Variants in SF3B1 observed in about 807,000 individuals in gnomAD.
SF3B1 encodes the protein splicing factor 3b subunit 1, also known as pre-mRNA processing 10.
Under a neutral mutation model 153.8 loss-of-function variants are expected in SF3B1, and 12 were observed. The observed-to-expected ratio is 0.08, with a 90% CI of 0.05 to 0.13. The LOEUF (loss-of-function observed/expected upper bound fraction) is 0.13, where lower values mean the gene tolerates loss of function less well. SF3B1 is among the 10% of genes least tolerant of loss of function. SF3B1 has a pLI of 1.00. For missense variants in SF3B1, 513 were observed against 1,606.1 expected (o/e 0.32, Z 11.63); for synonymous variants, 498 against 525.2 (o/e 0.95, Z 0.71).
At chr2:197,404,406 C>T (rs376659721) in intron 11 of SF3B1, among the ~76,000 whole-genome samples, 5 of 152,008 alleles carry the variant, frequency 3.3e-5, no homozygotes, top group East Asian at 3.9e-4. Context: ...ATGGTGAAAC[C>T]CCGTTTCTAC....
At chr2:197,417,475 C>T (rs2106005945) in intron 5 of SF3B1, among the ~76,000 whole-genome samples, 1 of 150,380 alleles carries the variant, frequency 6.6e-6, no homozygotes, top group Middle Eastern at 3.4e-3. Context: ...CGGTGGCTCA[C>T]ACCTGTAATC....
chr2:197,405,389 C>T lies in SF3B1; in HGVS notation c.1323G>A (p.Met441Ile). 6.2e-7 allele frequency: 1 copy of T among 1,613,978 alleles called. No individual in the cohort carries two copies. The highest frequency in any genetic ancestry group is 8.5e-7 in the Non-Finnish European group (1 of 1,179,916). ...LTATPTPLGGMTGFHMQTEDR... is the reference protein window; with the variant it reads ...LTATPTPLGGITGFHMQTEDR... ...CTTCAGTTTGCATGTGGAAACCAGT[C>T]ATACCACCCAAAGGTGTTGGAGTAG... The change falls in exon 10 of 25, where the codon ATG (methionine) becomes ATA (isoleucine). Residue 441 changes from methionine to isoleucine, a missense_variant. This residue lies in a region of SF3B1 where 17 missense variants were observed against 21.0 expected (regional missense o/e 0.81). Transcript: ENST00000335508.
At chr2:197,399,396 T>G (rs931168907) in intron 20 of SF3B1, among the ~76,000 whole-genome samples, 3 of 152,172 alleles carry the variant, frequency 2.0e-5, no homozygotes, top group Non-Finnish European at 2.9e-5. Flanking sequence ...GGAGTTACAT[T>G]TGGCAACAGT....
intron 1 of SF3B1, among the ~76,000 whole-genome samples, chr2:197,430,395 T>C (rs560143755): frequency 6.6e-6 from 1 of 152,314 alleles, no homozygotes; most frequent in South Asian, 2.1e-4. Flanking sequence ...CCTAAGCTTG[T>C]AACTGTTGAA....
chr2:197,401,639 C>A lies in SF3B1; in HGVS notation c.2370+103G>T. ...ATTTAAAAACAAATCAAACAGTATT[C>A]GTGTAACATACAGTTTTTTTTGTTG... On this transcript the variant is annotated intron_variant, in intron 16 of 24. Coordinates refer to ENST00000335508, the MANE Select transcript of SF3B1 (RefSeq NM_012433.4). The surrounding 1 kb of genome is among the most constrained non-coding windows in gnomAD (Gnocchi z 4.2). 1 of 1,464,892 alleles carries A rather than the reference C, an allele frequency of 6.8e-7. No individual in the cohort carries two copies. Among genetic ancestry groups the A allele is most frequent in the South Asian group, 1.2e-5 (1 of 81,302 alleles). 90.7% of individuals were successfully genotyped at this position (1,464,892 alleles called of 1,614,324 possible). A position where few individuals can be genotyped will look rare whatever the true frequency, so the allele number is the denominator to read the frequency against.
chr2:197,422,284 A>C (rs2085256352), intron 2 of SF3B1, among the ~76,000 whole-genome samples: 1 of 152,076 alleles, frequency 6.6e-6, no homozygotes, highest in Admixed American at 6.6e-5. Context: ...CCAACTATAA[A>C]ATGTGACTTG....
chr2:197,424,058 CA>C lies in SF3B1; in HGVS notation c.29-85del, dbSNP rs199799345. 1.1e-3 allele frequency: 1,228 copies of C among 1,115,670 alleles called. 4 individuals are homozygous for C. Among genetic ancestry groups the C allele is most frequent in the East Asian group, 0.011 (446 of 41,152 alleles). 69.1% of individuals were successfully genotyped at this position (1,115,670 alleles called of 1,614,324 possible). On this transcript the variant is annotated intron_variant, in intron 1 of 24. Coordinates refer to ENST00000335508, the MANE Select transcript of SF3B1 (RefSeq NM_012433.4). Reference sequence around the variant, plus strand: ...ATGCATTTCTTTACTAGGTAATTATCAAAATACTCTCTTAAATACAGAAAAT... The same window carrying C: ...ATGCATTTCTTTACTAGGTAATTATCAAATACTCTCTTAAATACAGAAAAT...
rs1272829708 is a variant in SF3B1 at position 197,401,965 on chromosome 2, A to G, written c.2223+20T>C. ...CTTAACTTTAATGAAGATAAATCAA[A>G]AGGTAATTGGTGGATTTACCTTTCC... On this transcript the variant is annotated intron_variant, in intron 15 of 24. Transcript: ENST00000335508. The surrounding 1 kb of genome is among the most constrained non-coding windows in gnomAD (Gnocchi z 4.2). The G allele has an allele frequency of 6.2e-7, 1 of 1,606,512 alleles. No individual in the cohort carries two copies. The highest frequency in any genetic ancestry group is 8.5e-7 in the Non-Finnish European group (1 of 1,178,178).
chr2:197,426,978 T>C (rs1242352498), intron 1 of SF3B1, among the ~76,000 whole-genome samples: 1 of 152,228 alleles, frequency 6.6e-6, no homozygotes, highest in Non-Finnish European at 1.5e-5. Flanking sequence ...AAACAACTTT[T>C]CCATCCTGAA....
chr2:197,424,063 T>C (rs1184352935), intron 1 of SF3B1, 89 bp from the exon 2 acceptor site: 11 of 1,084,702 alleles, frequency 1.0e-5, no homozygotes, highest in South Asian at 2.8e-5. Flanking sequence ...ATTATCAAAA[T>C]ACTCTCTTAA....
At chr2:197,424,099 C>A in intron 1 of SF3B1, 125 bp from the exon 2 acceptor site, 1 of 823,258 alleles carries the variant, frequency 1.2e-6, no homozygotes. Flanking sequence ...AATAATTGCA[C>A]CATATAAGAG....
rs1393540919 is a variant in SF3B1 at position 197,420,518 on chromosome 2, G to T, written c.325C>A (p.Pro109Thr). 1.9e-6 allele frequency: 3 copies of T among 1,611,570 alleles called. No individual in the cohort carries two copies. The highest frequency in any genetic ancestry group is 1.1e-5 in the South Asian group (1 of 90,688). ...EQYDPFAEHR[P>T]PKIADREDEY... ...TCTTCCCGGTCTGCAATCTTTGGAG[G>T]TCTGTGCTCAGCAAATGGATCATAC... Residue 109 changes from proline to threonine, a missense_variant, in exon 4 of 25, where the codon CCT becomes ACT. Physicochemically the swap from Pro to Thr is conservative, Grantham distance 38. This residue lies in a region of SF3B1 where 56 missense variants were observed against 75.6 expected (regional missense o/e 0.74). Transcript: ENST00000335508.
chr2:197,397,242 T>C (rs1314581071), intron 22 of SF3B1, among the ~76,000 whole-genome samples: 1 of 152,104 alleles, frequency 6.6e-6, no homozygotes, highest in Non-Finnish European at 1.5e-5. Flanking sequence ...TGGAGTGCAG[T>C]GGCACAATCA....
intron 23 of SF3B1, among the ~76,000 whole-genome samples, chr2:197,394,749 C>CA (rs1048040400): frequency 6.6e-6 from 1 of 151,954 alleles, no homozygotes; most frequent in African/African-American, 2.4e-5. Flanking sequence ...GCCAAAAATA[C>CA]AAAAAATTAG....
rs777637646 is a variant in SF3B1, at chr2:197,392,469, A to G, written c.3757-8T>C. On this transcript the variant is annotated splice_polypyrimidine_tract_variant and splice_region_variant and intron_variant, in intron 24 of 24. Coordinates refer to ENST00000335508, the MANE Select transcript of SF3B1 (RefSeq NM_012433.4). The stretch of plus-strand genomic sequence containing the variant: ...GGCTGGGTGAAACAGACCCTAAAAT[A>G]ATTGAACGGTTACATTATTTCAATT... 12 of 1,382,732 alleles carry G rather than the reference A, an allele frequency of 8.7e-6. No individual in the cohort carries two copies. In the South Asian group the frequency reaches 1.2e-4, roughly 14 times the overall value. 85.7% of individuals were successfully genotyped at this position (1,382,732 alleles called of 1,614,324 possible).
intron 1 of SF3B1, among the ~76,000 whole-genome samples, chr2:197,433,227 T>C (rs945780307): frequency 5.3e-5 from 8 of 152,254 alleles, no homozygotes; most frequent in African/African-American, 7.2e-5. Flanking sequence ...TGCTCAAGTA[T>C]TGAATGTTCT....
At position 197,393,026 on chromosome 2, in the gene SF3B1, T is replaced by C. The variant is rs774847083; in HGVS notation, c.3702A>G (p.Leu1234=). 6.2e-7 allele frequency: 1 copy of C among 1,613,466 alleles called. No individual in the cohort carries two copies. Among genetic ancestry groups the C allele is most frequent in the Non-Finnish European group, 8.5e-7 (1 of 1,179,446 alleles). ...PHVIQAVMGA[L]EGLRVAIGPC... Reference sequence around the variant, plus strand: ...GTCCAATAGCAACTCTCAGGCCCTCTAGGGCTCCCATAACTGCCTGAATTA... The same window carrying C: ...GTCCAATAGCAACTCTCAGGCCCTCCAGGGCTCCCATAACTGCCTGAATTA... Residue 1234 remains leucine, a synonymous_variant, in exon 24 of 25, where the codon CTA becomes CTG. Transcript: ENST00000335508.
At chr2:197,394,441 T>G (rs1468113195) in intron 23 of SF3B1, among the ~76,000 whole-genome samples, 1 of 152,174 alleles carries the variant, frequency 6.6e-6, no homozygotes, top group Non-Finnish European at 1.5e-5. Context: ...TAACTCAATT[T>G]GGGGAGAGGA....
Position 197,392,465 on chromosome 2 carries a change from A to C in SF3B1, c.3757-4T>G. 6.9e-7 allele frequency: 1 copy of C among 1,442,068 alleles called. No homozygotes were observed. The highest frequency in any genetic ancestry group is 9.7e-7 in the Non-Finnish European group (1 of 1,035,680). The allele number at this position is 1,442,068 out of a possible 1,614,324, so 89.3% of individuals were successfully genotyped here. On this transcript the variant is annotated splice_polypyrimidine_tract_variant and splice_region_variant and intron_variant, in intron 24 of 24. Transcript: ENST00000335508. ...TCCGGGCTGGGTGAAACAGACCCTAAAATAATTGAACGGTTACATTATTTC... is the reference window on the plus strand; with the variant it reads ...TCCGGGCTGGGTGAAACAGACCCTACAATAATTGAACGGTTACATTATTTC...
Sources: gnomAD v4.1 joint callset for allele counts (sites outside exome capture counted in the v4.1 genomes callset) on GRCh38, gnomAD v4.1.1 for gene constraint, gnomAD v4.1.1 regional missense constraint, Gnocchi (gnomAD v3.1) non-coding constraint, MANE v1.5 for transcripts, NCBI Gene and HGNC (gene_info 2026-07-23, HGNC 2026-07-21) for gene names.